Variants in SLIT1 observed in about 807,000 individuals in gnomAD.
SLIT1 encodes slit homolog 1 protein.
SLIT1 carries 66 observed loss-of-function variants against 186.1 expected under a neutral mutation model. The ratio of observed to expected loss-of-function variants is 0.35; its 90% CI spans 0.29 to 0.44. The LOEUF is 0.44. Among genes scored for constraint, SLIT1 ranks in the 20% least tolerant of loss-of-function variants. SLIT1 has a pLI of 1.00. For synonymous variants in SLIT1, 761 were observed against 833.8 expected (o/e 0.91, Z 1.50); for missense variants, 1,638 against 2,037.4 (o/e 0.80, Z 3.77).
At chr10:97,070,843 C>A (rs149919225) in intron 4 of SLIT1, among the ~76,000 whole-genome samples, 59 of 152,238 alleles carry the variant, frequency 3.9e-4, no homozygotes, top group African/African-American at 1.3e-3. Flanking sequence ...TTTTTAGAGA[C>A]AAGGTCTTGC....
chr10:97,012,249 C>T (rs1489729486), intron 30 of SLIT1, among the ~76,000 whole-genome samples: 1 of 152,136 alleles, frequency 6.6e-6, no homozygotes, highest in Non-Finnish European at 1.5e-5. Context: ...TAATATTAAA[C>T]AGGGGCTGGG....
intron 4 of SLIT1, among the ~76,000 whole-genome samples, chr10:97,136,316 G>C (rs1196741640): frequency 6.6e-6 from 1 of 152,076 alleles, no homozygotes; most frequent in East Asian, 1.9e-4. Context: ...ACCTAAAACT[G>C]TTCTTTAAAA....
At chr10:97,109,228 A>C (rs1849443022) in intron 4 of SLIT1, among the ~76,000 whole-genome samples, 1 of 152,018 alleles carries the variant, frequency 6.6e-6, no homozygotes, top group Non-Finnish European at 1.5e-5. Context: ...TCACAGAGTT[A>C]CAGTGAGAAA....
At chr10:97,016,099 A>C (rs1490427555) in intron 28 of SLIT1, among the ~76,000 whole-genome samples, 1 of 152,200 alleles carries the variant, frequency 6.6e-6, no homozygotes, top group Non-Finnish European at 1.5e-5. Context: ...CCTTGAGGTC[A>C]GGAGTTTGAG....
At chr10:97,149,484 G>T (rs931451767) in intron 4 of SLIT1, among the ~76,000 whole-genome samples, 3 of 152,218 alleles carry the variant, frequency 2.0e-5, no homozygotes, top group East Asian at 3.9e-4. Context: ...GAAGCAAAGA[G>T]GAGCTCTACC....
chr10:97,171,138 G>A lies in SLIT1; in HGVS notation c.198-6248C>T, dbSNP rs541318718. On this transcript the variant is annotated intron_variant, in intron 1 of 36. Transcript: ENST00000266058. ...TCGGGAAATGTACACCCAGCTCTTT[G>A]CTTTGAAATCTTACCCTGGCCAAGG... is the stretch of plus-strand genomic sequence containing the variant. 1.2e-4 allele frequency among the ~76,000 whole-genome samples: 19 copies of A among 152,336 alleles called. No homozygotes were observed. In the East Asian group the frequency reaches 3.7e-3, roughly 29 times the overall value.
At chr10:97,018,737 G>A in intron 27 of SLIT1, 54 bp from the exon 28 acceptor site, 2 of 1,189,442 alleles carry the variant, frequency 1.7e-6, no homozygotes, top group Non-Finnish European at 2.4e-6. Flanking sequence ...GTTAGTATGA[G>A]CCAACAGCCA....
intron 22 of SLIT1, 73 bp downstream of exon 22, chr10:97,037,625 A>T: frequency 8.4e-7 from 1 of 1,197,016 alleles, no homozygotes; most frequent in Middle Eastern, 1.9e-4. Context: ...TCCGTAGGAA[A>T]TTCCAGGAAA....
At chr10:97,172,606 C>T (rs528186261) in intron 1 of SLIT1, among the ~76,000 whole-genome samples, 194 of 152,262 alleles carry the variant, frequency 1.3e-3, no homozygotes, top group African/African-American at 4.5e-3. Context: ...AAAATAAAAA[C>T]ACACACACAT....
At chr10:97,115,008 G>C (rs1312561397) in intron 4 of SLIT1, among the ~76,000 whole-genome samples, 1 of 152,228 alleles carries the variant, frequency 6.6e-6, no homozygotes, top group Non-Finnish European at 1.5e-5. Context: ...AGTCTCTGCT[G>C]TCTGTCTTGT....
intron 4 of SLIT1, among the ~76,000 whole-genome samples, chr10:97,092,258 C>T (rs975842656): frequency 6.6e-6 from 1 of 152,198 alleles, no homozygotes; most frequent in Non-Finnish European, 1.5e-5. Flanking sequence ...ATGGTGCATC[C>T]GATTCCCAAA....
intron 4 of SLIT1, among the ~76,000 whole-genome samples, chr10:97,099,921 C>T (rs1012999826): frequency 1.4e-4 from 21 of 152,174 alleles, no homozygotes; most frequent in African/African-American, 3.9e-4. Context: ...TTGAGCCTCA[C>T]GTTGAAAAGC....
chr10:97,150,275 A>G (rs1330995073), intron 4 of SLIT1, among the ~76,000 whole-genome samples: 2 of 152,112 alleles, frequency 1.3e-5, no homozygotes, highest in Admixed American at 1.3e-4. Context: ...TGCCTTGGGT[A>G]ATTTCCCTCA....
intron 35 of SLIT1, 98 bp downstream of exon 35, chr10:97,002,606 C>T: frequency 8.4e-7 from 1 of 1,189,922 alleles, no homozygotes; most frequent in Non-Finnish European, 1.2e-6. Context: ...GCTTAGGCTA[C>T]ATGTTCTAAT....
At chr10:97,149,759 A>G (rs189202994) in intron 4 of SLIT1, among the ~76,000 whole-genome samples, 12 of 152,232 alleles carry the variant, frequency 7.9e-5, no homozygotes, top group African/African-American at 2.6e-4. Context: ...TTCGAATCTC[A>G]GCTCTGATTC....
At chr10:97,015,717 C>T (rs1341890513) in intron 28 of SLIT1, among the ~76,000 whole-genome samples, 1 of 152,152 alleles carries the variant, frequency 6.6e-6, no homozygotes, top group Non-Finnish European at 1.5e-5. Flanking sequence ...TTCTATAATA[C>T]AGTTATGTTG....
intron 4 of SLIT1, among the ~76,000 whole-genome samples, chr10:97,125,449 G>A (rs1405592138): frequency 1.2e-4 from 18 of 149,964 alleles, no homozygotes; most frequent in African/African-American, 3.9e-4. Flanking sequence ...TGGGAGAATC[G>A]CTTGAGCTCA....
chr10:97,167,001 G>A (rs1193705779), intron 1 of SLIT1, among the ~76,000 whole-genome samples: 7 of 152,024 alleles, frequency 4.6e-5, no homozygotes, highest in East Asian at 1.9e-4. Context: ...TGTCTGTCCC[G>A]TGGGCCTGGC....
intron 4 of SLIT1, chr10:97,102,757 G>A (rs1317895307): frequency 6.6e-6 from 1 of 152,276 alleles, no homozygotes; most frequent in East Asian, 1.9e-4. Context: ...CTTATATACA[G>A]TGTCCAGGGA....
Sources: gnomAD v4.1 joint callset for allele counts (sites outside exome capture counted in the v4.1 genomes callset) on GRCh38, gnomAD v4.1.1 for gene constraint, MANE v1.5 for transcripts, NCBI Gene and HGNC (gene_info 2026-07-23, HGNC 2026-07-21) for gene names.